Variants in WDFY2 observed in about 807,000 individuals in gnomAD.
WDFY2 encodes WD repeat and FYVE domain containing 2.
A neutral mutation model predicts 56.4 loss-of-function variants in WDFY2; 36 were observed. The ratio of observed to expected loss-of-function variants is 0.64; its 90% CI spans 0.49 to 0.84. The LOEUF (loss-of-function observed/expected upper bound fraction) is 0.84. Among genes scored for constraint, WDFY2 ranks in the 40% least tolerant of loss-of-function variants. WDFY2 has a pLI of 0.00. For missense variants in WDFY2, 444 were observed against 512.2 expected (o/e 0.87, Z 1.29); for synonymous variants, 176 against 183.7 (o/e 0.96, Z 0.34).
intron 1 of WDFY2, among the ~76,000 whole-genome samples, chr13:51,595,506 C>T (rs748280648): frequency 1.3e-5 from 2 of 152,126 alleles, no homozygotes; most frequent in Non-Finnish European, 2.9e-5. Context: ...CGCCTGCAGA[C>T]CCCTTGCTCC....
At chr13:51,757,919 G>A (rs961006216) in intron 10 of WDFY2, among the ~76,000 whole-genome samples, 1 of 151,900 alleles carries the variant, frequency 6.6e-6, no homozygotes, top group Admixed American at 6.6e-5. Flanking sequence ...AAAAGCTCGG[G>A]TGGAGATTAT....
chr13:51,755,376 A>G lies in WDFY2; in HGVS notation c.850A>G (p.Ser284Gly), dbSNP rs772842231. The change falls in exon 9 of 12, where the codon AGT (serine) becomes GGT (glycine). Residue 284 changes from serine to glycine, a missense_variant. Ser to Gly is a moderately conservative substitution (Grantham distance 56). Transcript: ENST00000298125. ...ERQETPEWLD[S>G]DSCQKCDQPF... Reference sequence around the variant, plus strand: ...TGACAAGACCCCTGAATGGTTGGACAGTGATTCCTGCCAAAAGTGTGATCA... The same window carrying G: ...TGACAAGACCCCTGAATGGTTGGACGGTGATTCCTGCCAAAAGTGTGATCA... 1.9e-6 allele frequency: 3 copies of G among 1,614,218 alleles called. No individual in the cohort carries two copies. The highest frequency in any genetic ancestry group is 2.5e-6 in the Non-Finnish European group (3 of 1,180,030).
chr13:51,735,973 T>C (rs1952825341), intron 6 of WDFY2, among the ~76,000 whole-genome samples: 1 of 152,166 alleles, frequency 6.6e-6, no homozygotes, highest in East Asian at 1.9e-4. Context: ...CTCCCCTTCC[T>C]AGCCCTGACC....
intron 1 of WDFY2, among the ~76,000 whole-genome samples, chr13:51,656,786 A>G (rs371041082): frequency 8.6e-5 from 13 of 151,966 alleles, no homozygotes; most frequent in African/African-American, 3.1e-4. Flanking sequence ...TTCTGTTATC[A>G]CTATACCCAC....
intron 1 of WDFY2, among the ~76,000 whole-genome samples, chr13:51,643,764 GT>G (rs1955218073): frequency 1.3e-5 from 2 of 151,936 alleles, no homozygotes; most frequent in African/African-American, 4.8e-5. Flanking sequence ...GACAATATTC[GT>G]TTTTCTCTTT....
intron 2 of WDFY2, among the ~76,000 whole-genome samples, chr13:51,668,417 C>T (rs183914478): frequency 1.0e-3 from 157 of 152,140 alleles, no homozygotes; most frequent in African/African-American, 3.4e-3. Context: ...GAAAAGAAAA[C>T]TAAATAGTTA....
chr13:51,724,231 CTT>C (rs529903671), intron 5 of WDFY2, among the ~76,000 whole-genome samples: 10 of 108,012 alleles, frequency 9.3e-5, no homozygotes, highest in African/African-American at 2.9e-4. Context: ...TCTTTTTTAA[CTT>C]TTTTTTTTTT....
chr13:51,603,635 G>T (rs1030900262), intron 1 of WDFY2, among the ~76,000 whole-genome samples: 1 of 152,172 alleles, frequency 6.6e-6, no homozygotes, highest in East Asian at 1.9e-4. Context: ...GCATTGTCTT[G>T]TAGCAAAAGC....
intron 6 of WDFY2, among the ~76,000 whole-genome samples, chr13:51,733,262 C>T (rs1952763611): frequency 1.3e-5 from 2 of 152,180 alleles, no homozygotes; most frequent in African/African-American, 4.8e-5. Flanking sequence ...GTCTTGAACT[C>T]CTGACTTCAG....
At chr13:51,619,726 A>G (rs1954690304) in intron 1 of WDFY2, among the ~76,000 whole-genome samples, 1 of 152,234 alleles carries the variant, frequency 6.6e-6, no homozygotes, top group Non-Finnish European at 1.5e-5. Flanking sequence ...CAGAACCAGA[A>G]TAGGTTCAGA....
chr13:51,698,990 A>G (rs960999585), intron 3 of WDFY2, among the ~76,000 whole-genome samples: 3 of 152,216 alleles, frequency 2.0e-5, no homozygotes, highest in Non-Finnish European at 4.4e-5. Context: ...GAACCAAAGG[A>G]TATGCCTGGA....
rs1593401472 is a variant in WDFY2, at chr13:51,675,159, A to G, written c.206-11A>G. ...TTTTGTTAATTTCATCAACATGTTC[A>G]TTTCTTTCAGCTCCATGTTCATGCA... On this transcript the variant is annotated splice_polypyrimidine_tract_variant and intron_variant, in intron 2 of 11. Transcript: ENST00000298125. 1 of 1,613,612 alleles carries G rather than the reference A, an allele frequency of 6.2e-7. No homozygotes were observed. Among genetic ancestry groups the G allele is most frequent in the Non-Finnish European group, 8.5e-7 (1 of 1,179,644 alleles).
At chr13:51,645,141 CT>C (rs1001885671) in intron 1 of WDFY2, among the ~76,000 whole-genome samples, 2 of 148,950 alleles carry the variant, frequency 1.3e-5, no homozygotes, top group East Asian at 2.0e-4. Flanking sequence ...TTTTTTTTTT[CT>C]TTTTTTTCTC....
At chr13:51,593,937 C>T (rs768203805) in intron 1 of WDFY2, 4 of 152,204 alleles carry the variant, frequency 2.6e-5, no homozygotes, top group Admixed American at 6.5e-5. Flanking sequence ...GGTCTCACCA[C>T]GTTGTTCTGG....
chr13:51,661,931 G>T (rs1481893023), intron 2 of WDFY2, among the ~76,000 whole-genome samples: 1 of 151,986 alleles, frequency 6.6e-6, no homozygotes, highest in East Asian at 1.9e-4. Context: ...GAAAAGTAGA[G>T]AATTCTCTAG....
At position 51,765,266 on chromosome 13, in the gene WDFY2, C is replaced by T. The variant is rs972614218; in HGVS notation, c.*5497C>T. 2 of 152,202 alleles carry T rather than the reference C, an allele frequency of 1.3e-5. No homozygotes were observed. Among genetic ancestry groups the T allele is most frequent in the Admixed American group, 1.3e-4 (2 of 15,290 alleles). 9.4% of individuals were successfully genotyped at this position (152,202 alleles called of 1,614,324 possible). On this transcript the variant is annotated 3_prime_UTR_variant, in exon 12 of 12. Coordinates refer to ENST00000298125, the MANE Select transcript of WDFY2 (RefSeq NM_052950.4). ...CTGCATTCCTGTTTAAACTTCAGCT[C>T]AGTTTCTTAACCAAGAACCACGTCA...
chr13:51,631,184 G>A (rs1220868627), intron 1 of WDFY2, among the ~76,000 whole-genome samples: 2 of 151,386 alleles, frequency 1.3e-5, no homozygotes, highest in Non-Finnish European at 2.9e-5. Flanking sequence ...TTGAGCCCAG[G>A]AGTTCAAGAC....
At chr13:51,717,238 A>G (rs1301804408) in intron 4 of WDFY2, among the ~76,000 whole-genome samples, 5 of 152,188 alleles carry the variant, frequency 3.3e-5, no homozygotes, top group African/African-American at 1.2e-4. Context: ...ATTTTTTTTC[A>G]ATAAAAGAAT....
intron 1 of WDFY2, among the ~76,000 whole-genome samples, chr13:51,617,993 T>C (rs1279189403): frequency 2.0e-5 from 3 of 152,234 alleles, no homozygotes; most frequent in Non-Finnish European, 2.9e-5. Flanking sequence ...GGTCTAACTA[T>C]AGATACTAAC....
Sources: allele counts gnomAD v4.1 joint callset (sites outside exome capture counted in the v4.1 genomes callset), GRCh38; gene constraint gnomAD v4.1.1; transcripts MANE v1.5; gene names NCBI Gene and HGNC (gene_info 2026-07-23, HGNC 2026-07-21).